DKK3: variants seen among roughly 807,000 people sequenced by gnomAD.
DKK3 encodes the protein dickkopf Wnt signaling pathway inhibitor 3, also known as dickkopf-related protein 3.
Under a neutral mutation model 33.2 loss-of-function variants are expected in DKK3, and 22 were observed. The ratio of observed to expected loss-of-function variants is 0.66; its 90% CI spans 0.47 to 0.95. The LOEUF (loss-of-function observed/expected upper bound fraction) is 0.95, where lower values mean the gene tolerates loss of function less well. DKK3 is among the 40% of genes least tolerant of loss of function. The pLI is 0.00. For missense variants in DKK3, 398 were observed against 458.4 expected, an observed-to-expected ratio of 0.87 and a Z score of 1.20; for synonymous variants, 194 against 188.8, an observed-to-expected ratio of 1.03 and a Z score of -0.23.
At chr11:12,009,432 G>A (rs1235636425), upstream of DKK3, 16 of 934,370 alleles carry the variant, frequency 1.7e-5, no homozygotes, top group Non-Finnish European at 1.8e-5. Flanking sequence ...CCGCAGCCCG[G>A]CCATTGGCCA....
rs1359407732 is a variant in DKK3, at chr11:12,008,466, G to C, written c.117C>G (p.Ser39Arg). The change falls in exon 1 of 7, where the codon AGC becomes AGG. Residue 39 changes from serine (S) to arginine (R), a missense_variant. By Grantham distance (110) the Ser-to-Arg change is moderately radical. Transcript: ENST00000683431. The surrounding 1 kb of genome is among the most constrained non-coding windows in gnomAD (Gnocchi z 4.6). Reference protein sequence around the residue: ...SAPVKPGPALSYPQEEATLNE... With the variant: ...SAPVKPGPALRYPQEEATLNE... ...TGAGGGTGGCCTCCTCCTGCGGGTA[G>C]CTGAGAGCCGGGCCGGGCTTGACTG... 6.2e-7 allele frequency: 1 copy of C among 1,608,982 alleles called. No individual in the cohort carries two copies. Among genetic ancestry groups the C allele is most frequent in the Non-Finnish European group, 8.5e-7 (1 of 1,179,406 alleles).
chr11:12,002,282 G>C lies in DKK3; in HGVS notation c.351+18C>G. 6.2e-7 allele frequency: 1 copy of C among 1,609,480 alleles called. No homozygotes were observed. Among genetic ancestry groups the C allele is most frequent in the African/African-American group, 1.3e-5 (1 of 74,858 alleles). On this transcript the variant is annotated intron_variant, in intron 2 of 6. Transcript: ENST00000683431. ...GACTGGACGCTATAGAAAGGAGGAAGTGCTGGCCATGACTTACCTTGTGAA... is the reference window on the plus strand; with the variant it reads ...GACTGGACGCTATAGAAAGGAGGAACTGCTGGCCATGACTTACCTTGTGAA...
chr11:11,997,501 G>A (rs1011342355), intron 3 of DKK3, among the ~76,000 whole-genome samples: 5 of 152,106 alleles, frequency 3.3e-5, no homozygotes, highest in Admixed American at 2.0e-4. Flanking sequence ...CCTTGTCTTC[G>A]TTTCAGAGGC....
intron 3 of DKK3, among the ~76,000 whole-genome samples, chr11:11,993,740 CA>C (rs1371814594): frequency 6.6e-6 from 1 of 152,138 alleles, no homozygotes; most frequent in Non-Finnish European, 1.5e-5. Context: ...TCTCGAAACA[CA>C]AATGTACCCA....
intron 5 of DKK3, 141 bp downstream of exon 5, chr11:11,966,813 G>GCA (rs1847607578): frequency 1.7e-6 from 2 of 1,194,886 alleles, no homozygotes; most frequent in African/African-American, 3.0e-5. Flanking sequence ...TGGGAGTGCA[G>GCA]CACACACTGA....
At chr11:11,965,722 G>A (rs548486550) in intron 6 of DKK3, 87 bp downstream of exon 6, 3 of 1,503,854 alleles carry the variant, frequency 2.0e-6, no homozygotes, top group Middle Eastern at 2.4e-4. Flanking sequence ...CCTCCCCCAG[G>A]GAAAACCTGC....
intron 2 of DKK3, among the ~76,000 whole-genome samples, chr11:11,999,486 G>A (rs536390657): frequency 2.7e-3 from 414 of 152,272 alleles, no homozygotes; most frequent in Non-Finnish European, 4.5e-3. Context: ...AAATTTAGCC[G>A]CAGTGGCAAG....
Position 11,965,951 on chromosome 11 carries a change from CA to C in DKK3, c.687del (p.Val230CysfsTer27). Reference protein sequence around the residue: ...CCAFQRGLLFPVCTPLPVEGE... With the variant: ...CCAFQRGLLFXVCTPLPVEGE... ...CCCTCCACGGGCAGGGGTGTGCACA[CA>C]GGGAACAGCAGGCCTGGAACCAGCC... On this transcript the variant is annotated frameshift_variant, in exon 6 of 7. Transcript: ENST00000683431. LOFTEE classifies it high-confidence loss of function. 6.2e-7 allele frequency: 1 copy of C among 1,612,448 alleles called. No homozygotes were observed. Among genetic ancestry groups the C allele is most frequent in the Non-Finnish European group, 8.5e-7 (1 of 1,179,756 alleles).
chr11:11,984,353 G>A (rs528774097), intron 3 of DKK3, among the ~76,000 whole-genome samples: 3 of 152,304 alleles, frequency 2.0e-5, no homozygotes, highest in Admixed American at 1.3e-4. Flanking sequence ...TCTAAGTGCT[G>A]AGCATAAATG....
intron 3 of DKK3, among the ~76,000 whole-genome samples, chr11:11,983,723 G>A (rs4757595): frequency 0.59 from 89,370 of 152,064 alleles, 26,828 homozygotes; most frequent in East Asian, 0.91. Context: ...TCTGGGCTAC[G>A]CTGCTGTCAA....
At chr11:11,990,561 C>G (rs1459216365) in intron 3 of DKK3, among the ~76,000 whole-genome samples, 1 of 152,188 alleles carries the variant, frequency 6.6e-6, no homozygotes, top group Non-Finnish European at 1.5e-5. Context: ...GTATACAGTA[C>G]AGGACATGGT....
intron 3 of DKK3, among the ~76,000 whole-genome samples, chr11:11,977,561 G>T (rs1015342199): frequency 6.6e-6 from 1 of 152,168 alleles, no homozygotes; most frequent in Non-Finnish European, 1.5e-5. Flanking sequence ...GTTGGCAGCC[G>T]TTGGGAGAGC....
chr11:12,009,342 C>T (rs1349503248), upstream of DKK3: 1 of 835,428 alleles, frequency 1.2e-6, no homozygotes, highest in Non-Finnish European at 1.4e-6. Flanking sequence ...AAGACGCGCC[C>T]CGCCCGCCCA....
chr11:11,989,613 A>G (rs1392651219), intron 3 of DKK3, among the ~76,000 whole-genome samples: 1 of 152,240 alleles, frequency 6.6e-6, no homozygotes, highest in Non-Finnish European at 1.5e-5. Flanking sequence ...TAATGGGTAT[A>G]GCATCTCTGA....
upstream of DKK3, chr11:12,008,761 G>T (rs1310919523): frequency 7.5e-6 from 9 of 1,194,036 alleles, no homozygotes; most frequent in African/African-American, 3.3e-5. This position sits in a 1 kb window ranked among gnomAD's most constrained non-coding sequence, Gnocchi z 4.6. Context: ...TGAAAACGCA[G>T]CTCCCCTACA....
At chr11:11,984,888 C>T (rs933381782) in intron 3 of DKK3, among the ~76,000 whole-genome samples, 10 of 152,154 alleles carry the variant, frequency 6.6e-5, no homozygotes, top group Non-Finnish European at 1.3e-4. Flanking sequence ...CCCAACACTA[C>T]CCACAAAGTT....
intron 3 of DKK3, among the ~76,000 whole-genome samples, chr11:11,997,149 CA>C (rs1485699362): frequency 6.6e-6 from 1 of 152,230 alleles, no homozygotes; most frequent in East Asian, 1.9e-4. Flanking sequence ...GGTCCTCCAG[CA>C]GGTGCAGATG....
At chr11:11,995,246 AT>A (rs1476763179) in intron 3 of DKK3, among the ~76,000 whole-genome samples, 3 of 151,890 alleles carry the variant, frequency 2.0e-5, no homozygotes, top group African/African-American at 7.3e-5. Context: ...GGCCCGGCTA[AT>A]TTTTTTTATT....
intron 3 of DKK3, among the ~76,000 whole-genome samples, chr11:11,990,929 A>C (rs901501084): frequency 6.6e-6 from 1 of 152,194 alleles, no homozygotes; most frequent in Non-Finnish European, 1.5e-5. Flanking sequence ...AAGATGATAC[A>C]TGTTCCTGCC....
Sources: gnomAD v4.1 joint callset for allele counts (sites outside exome capture counted in the v4.1 genomes callset) on GRCh38, gnomAD v4.1.1 for gene constraint, Gnocchi (gnomAD v3.1) non-coding constraint, MANE v1.5 for transcripts, NCBI Gene and HGNC (gene_info 2026-07-23, HGNC 2026-07-21) for gene names.